The following KLC1 variants were observed in gnomAD, a reference collection of about 807,000 sequenced individuals.
KLC1 encodes kinesin 2 60/70kDa.
KLC1 carries 30 observed loss-of-function variants against 84.2 expected under a neutral mutation model. The observed-to-expected ratio is 0.36, with a 90% CI of 0.27 to 0.48. The LOEUF is 0.48. KLC1 is among the 20% of genes least tolerant of loss of function. KLC1 has a pLI of 0.99. For synonymous variants in KLC1, 289 were observed against 293.3 expected, an observed-to-expected ratio of 0.99 and a Z score of 0.15; for missense variants, 499 against 805.4, an observed-to-expected ratio of 0.62 and a Z score of 4.60.
rs911284585 is a variant in KLC1 at position 103,629,246 on chromosome 14, G to C, written c.-250G>C. On this transcript the variant is annotated 5_prime_UTR_variant, in exon 1 of 17. Coordinates refer to ENST00000334553, the MANE Select transcript of KLC1 (RefSeq NM_001394837.1). ...GCGGGAGCGGCGCAGGCGGCCGAGCGGGACTGGCTGGGTCGGCTGGGCTGC... is the reference window on the plus strand; with the variant it reads ...GCGGGAGCGGCGCAGGCGGCCGAGCCGGACTGGCTGGGTCGGCTGGGCTGC... The C allele has an allele frequency of 6.5e-6, 1 of 152,842 alleles. No individual in the cohort carries two copies. The highest frequency in any genetic ancestry group is 1.5e-5 in the Non-Finnish European group (1 of 68,602). 9.5% of individuals were successfully genotyped at this position (152,842 alleles called of 1,614,324 possible).
intron 1 of KLC1, among the ~76,000 whole-genome samples, chr14:103,638,860 G>A (rs1434064087): frequency 6.6e-6 from 1 of 151,766 alleles, no homozygotes; most frequent in Non-Finnish European, 1.5e-5. Flanking sequence ...GCACAGTGGT[G>A]CATATGTATG....
At position 103,693,085 on chromosome 14, in the gene KLC1, T is replaced by C. The variant is rs1267055593; in HGVS notation, c.1848+660T>C. 1.3e-5 allele frequency among the ~76,000 whole-genome samples: 2 copies of C among 152,238 alleles called. No homozygotes were observed. The highest frequency in any genetic ancestry group is 2.9e-5 in the Non-Finnish European group (2 of 68,046). On this transcript the variant is annotated intron_variant, in intron 15 of 16. Coordinates refer to ENST00000334553, the MANE Select transcript of KLC1 (RefSeq NM_001394837.1). The surrounding 1 kb of genome is among the most constrained non-coding windows in gnomAD (Gnocchi z 5.1). Reference sequence around the variant, plus strand: ...AGGTGCCTGGGGCCCACCCGGCAGCTCGAGCTGTTGGGACTTGGCAGTCCC... The same window carrying C: ...AGGTGCCTGGGGCCCACCCGGCAGCCCGAGCTGTTGGGACTTGGCAGTCCC...
chr14:103,682,960 C>T (rs2081491082), intron 13 of KLC1: 1 of 152,034 alleles, frequency 6.6e-6, no homozygotes, highest in Non-Finnish European at 1.5e-5. Flanking sequence ...AACATTGTGC[C>T]TCCCTGTTGG....
chr14:103,692,170 T>C (rs543085102), intron 14 of KLC1, among the ~76,000 whole-genome samples, 189 bp from the exon 15 acceptor site: 2 of 152,334 alleles, frequency 1.3e-5, no homozygotes, highest in Non-Finnish European at 2.9e-5. Flanking sequence ...AGAGAAGCTG[T>C]GGTCTTTTCT....
At chr14:103,640,924 A>G (rs948901018) in intron 1 of KLC1, among the ~76,000 whole-genome samples, 26 of 151,730 alleles carry the variant, frequency 1.7e-4, no homozygotes, top group African/African-American at 6.3e-4. Flanking sequence ...TATTATTATT[A>G]CTATTATTTT....
intron 13 of KLC1, among the ~76,000 whole-genome samples, chr14:103,681,498 C>T (rs976410434): frequency 6.6e-5 from 10 of 152,098 alleles, no homozygotes; most frequent in African/African-American, 1.7e-4. Context: ...CTTGCTCTCT[C>T]GCCCAGGCTG....
chr14:103,676,695 CTTCT>C (rs1388973885), intron 11 of KLC1, among the ~76,000 whole-genome samples: 1 of 152,202 alleles, frequency 6.6e-6, no homozygotes, highest in Non-Finnish European at 1.5e-5. Context: ...TAGAAAATAG[CTTCT>C]TTATTTCTGT....
chr14:103,700,830 T>G, intron 16 of KLC1, 103 bp downstream of exon 16: 1 of 932,590 alleles, frequency 1.1e-6, no homozygotes, highest in Non-Finnish European at 1.6e-6. Flanking sequence ...AAGTGGTGAC[T>G]GCTGCTAGCT....
rs750385657 is a variant in KLC1 at position 103,670,167 on chromosome 14, T to G, written c.886-15T>G. On this transcript the variant is annotated splice_polypyrimidine_tract_variant and intron_variant, in intron 6 of 16. Coordinates refer to ENST00000334553, the MANE Select transcript of KLC1 (RefSeq NM_001394837.1). ...TATCTTTTACCATTCTTAGTGGTTC[T>G]CTCTGTGTTGACAGGTGGCGGCGAC... The G allele has an allele frequency of 6.3e-7, 1 of 1,592,498 alleles. No homozygotes were observed. Among genetic ancestry groups the G allele is most frequent in the East Asian group, 2.2e-5 (1 of 44,748 alleles).
At chr14:103,633,841 T>C (rs1019919674) in intron 1 of KLC1, among the ~76,000 whole-genome samples, 1 of 152,126 alleles carries the variant, frequency 6.6e-6, no homozygotes, top group African/African-American at 2.4e-5. Flanking sequence ...CACCTCACTA[T>C]CTTAAATGCT....
chr14:103,695,329 G>A (rs12889303), intron 15 of KLC1: 71,277 of 362,696 alleles, frequency 0.2, 5,031 homozygotes, highest in Admixed American at 0.4. Flanking sequence ...ATATATATAT[G>A]TGTGTGTGTG....
chr14:103,661,536 C>T (rs1197718504), intron 3 of KLC1, among the ~76,000 whole-genome samples: 6 of 152,192 alleles, frequency 3.9e-5, no homozygotes, highest in Non-Finnish European at 8.8e-5. Flanking sequence ...TGCCTCATGA[C>T]AAAGCTAATT....
intron 2 of KLC1, among the ~76,000 whole-genome samples, chr14:103,655,526 T>G (rs1046473017): frequency 1.3e-5 from 2 of 151,926 alleles, no homozygotes; most frequent in African/African-American, 4.8e-5. Context: ...GGTCTTGAAC[T>G]CCCAACCTCA....
intron 1 of KLC1, among the ~76,000 whole-genome samples, chr14:103,647,084 C>T (rs905991331): frequency 3.3e-5 from 5 of 152,204 alleles, no homozygotes; most frequent in Admixed American, 2.0e-4. Flanking sequence ...TTCAGTTACA[C>T]GGGTACAAAT....
intron 3 of KLC1, among the ~76,000 whole-genome samples, chr14:103,661,851 G>C (rs1338865513): frequency 1.3e-5 from 2 of 152,166 alleles, no homozygotes; most frequent in East Asian, 3.8e-4. Flanking sequence ...CGCGGGAGAA[G>C]GATCTGAGGC....
Position 103,669,609 on chromosome 14 carries a change from C to T in KLC1, c.885+11C>T, listed in dbSNP as rs1247366264. On this transcript the variant is annotated intron_variant, in intron 6 of 16. Coordinates refer to ENST00000334553, the MANE Select transcript of KLC1 (RefSeq NM_001394837.1). Reference sequence around the variant, plus strand: ...AAAGATCATCCTGCGGTTTGTATATCCAGTTCTTTCATTCTTTTAATATTT... The same window carrying T: ...AAAGATCATCCTGCGGTTTGTATATTCAGTTCTTTCATTCTTTTAATATTT... The T allele has an allele frequency of 5.3e-6, 8 of 1,517,022 alleles. No individual in the cohort carries two copies. The highest frequency in any genetic ancestry group is 7.3e-6 in the Non-Finnish European group (8 of 1,094,426). The allele number at this position is 1,517,022 out of a possible 1,614,324, so 94.0% of individuals were successfully genotyped here.
intron 5 of KLC1, among the ~76,000 whole-genome samples, chr14:103,666,248 A>G (rs2079797789): frequency 6.6e-6 from 1 of 152,048 alleles, no homozygotes; most frequent in Admixed American, 6.5e-5. Context: ...TATTTTTAGT[A>G]GAGACGGAGT....
At chr14:103,695,166 A>C (rs1228591724) in intron 15 of KLC1, 3 of 913,874 alleles carry the variant, frequency 3.3e-6, no homozygotes. Context: ...AATTATATAT[A>C]TATATATGGC....
At chr14:103,650,697 A>G (rs755378488) in intron 1 of KLC1, among the ~76,000 whole-genome samples, 23 of 147,242 alleles carry the variant, frequency 1.6e-4, no homozygotes, top group Admixed American at 6.8e-4. Flanking sequence ...TTCTACCTCA[A>G]CCTCCCGAGT....
Sources: allele counts gnomAD v4.1 joint callset (sites outside exome capture counted in the v4.1 genomes callset), GRCh38; gene constraint gnomAD v4.1.1; non-coding constraint Gnocchi (gnomAD v3.1); transcripts MANE v1.5; gene names NCBI Gene and HGNC (gene_info 2026-07-23, HGNC 2026-07-21).